The following RP1 variants were observed in gnomAD, a reference collection of about 807,000 sequenced individuals.
RP1 encodes the protein oxygen-regulated protein 1.
Under a neutral mutation model 14.8 loss-of-function variants are expected in RP1, and 16 were observed. The ratio of observed to expected loss-of-function variants is 1.08; its 90% confidence interval spans 0.73 to 1.65. RP1 has a LOEUF of 1.65. Among genes scored for constraint, RP1 ranks in the 40% most tolerant of loss-of-function variants. The pLI, the probability that RP1 is intolerant of heterozygous loss-of-function variation, is 0.00. For missense variants in RP1, 2,631 were observed against 2,535.0 expected (o/e 1.04, Z -0.81); for synonymous variants, 876 against 883.6 (o/e 0.99, Z 0.15).
chr8:54,799,398 C>G (rs1267238231), intron 24 of RP1, among the ~76,000 whole-genome samples: 1 of 151,864 alleles, frequency 6.6e-6, no homozygotes, highest in African/African-American at 2.4e-5. Flanking sequence ...CAATGGGTTT[C>G]TTGTAGATAG....
intron 14 of RP1, among the ~76,000 whole-genome samples, chr8:54,704,043 A>G (rs1808092454): frequency 6.6e-6 from 1 of 152,210 alleles, no homozygotes; most frequent in Non-Finnish European, 1.5e-5. Context: ...CATATCAGCA[A>G]TAAGGCTGTT....
chr8:54,676,715 A>C (rs1807302981), intron 8 of RP1, among the ~76,000 whole-genome samples: 2 of 152,212 alleles, frequency 1.3e-5, no homozygotes, highest in African/African-American at 4.8e-5. Context: ...AAACATGATG[A>C]AAATGTAGGC....
intron 14 of RP1, chr8:54,706,396 A>T (rs957708480): frequency 6.6e-7 from 1 of 1,521,376 alleles, no homozygotes; most frequent in African/African-American, 1.4e-5. Context: ...CTAGCAAAAC[A>T]CGAGCCCGTT....
At chr8:54,644,980 T>G (rs555740266) in intron 3 of RP1, among the ~76,000 whole-genome samples, 1 of 152,282 alleles carries the variant, frequency 6.6e-6, no homozygotes, top group East Asian at 1.9e-4. Context: ...TTGTATTGGG[T>G]TAAGAGCCTA....
chr8:54,613,089 G>A (rs546100606), upstream of RP1, among the ~76,000 whole-genome samples: 1 of 152,332 alleles, frequency 6.6e-6, no homozygotes, highest in Non-Finnish European at 1.5e-5. Flanking sequence ...CTAATACACA[G>A]TGAGTATGCA....
chr8:54,596,212 G>T (rs7843113), intron 1 of RP1, among the ~76,000 whole-genome samples: 8 of 151,974 alleles, frequency 5.3e-5, no homozygotes, highest in Non-Finnish European at 1.0e-4. Flanking sequence ...CATTTAGATC[G>T]GTTTCATCTG....
chr8:54,619,895 A>G (rs1325189979), intron 1 of RP1, among the ~76,000 whole-genome samples: 1 of 152,232 alleles, frequency 6.6e-6, no homozygotes, highest in East Asian at 1.9e-4. Context: ...AATGTCAAGT[A>G]CATTTTCCTC....
At position 54,627,050 on chromosome 8, in the gene RP1, A is replaced by G; in HGVS notation, c.3168A>G (p.Ile1056Met). 1.2e-6 allele frequency: 2 copies of G among 1,614,056 alleles called. No homozygotes were observed. The highest frequency in any genetic ancestry group is 1.7e-6 in the Non-Finnish European group (2 of 1,179,960). Residue 1056 changes from isoleucine to methionine, a missense_variant, in exon 4 of 4, where the codon ATA becomes ATG. By Grantham distance (10) the Ile-to-Met change is conservative (BLOSUM62 1). Coordinates refer to ENST00000220676, the MANE Select transcript of RP1 (RefSeq NM_006269.2). ...AGAAAAAACTTGTTTACCAGGAAAT[A>G]AACCTAGCTAGAAAAAGGCAAAGTG... ...GPEKKLVYQEINLARKRQSVE... is the reference protein window; with the variant it reads ...GPEKKLVYQEMNLARKRQSVE...
chr8:54,799,730 T>C (rs967104620), intron 24 of RP1, among the ~76,000 whole-genome samples: 2 of 152,032 alleles, frequency 1.3e-5, no homozygotes, highest in Non-Finnish European at 2.9e-5. Context: ...TCAAATAATA[T>C]GCTACCCCAT....
chr8:54,743,423 T>TA (rs1195529652), intron 19 of RP1, among the ~76,000 whole-genome samples: 5 of 152,182 alleles, frequency 3.3e-5, no homozygotes, highest in African/African-American at 1.2e-4. Context: ...TGGTGATTTT[T>TA]ATATTCTATT....
chr8:54,726,202 A>T, intron 16 of RP1: 3 of 938,692 alleles, frequency 3.2e-6, no homozygotes, highest in Non-Finnish European at 4.5e-6. Context: ...TTAACTATGT[A>T]ATTCTGAGTA....
chr8:54,701,699 A>G (rs773517093), intron 14 of RP1: 1 of 1,515,596 alleles, frequency 6.6e-7, no homozygotes, highest in Non-Finnish European at 8.8e-7. Context: ...TATATTGCTA[A>G]ATCCCAACTT....
chr8:54,787,805 T>C (rs1810359405), intron 24 of RP1, among the ~76,000 whole-genome samples: 1 of 152,210 alleles, frequency 6.6e-6, no homozygotes, highest in African/African-American at 2.4e-5. Context: ...AAATGGTTAA[T>C]ACAGTTTTGC....
rs182317491 is a variant in RP1, at chr8:54,584,174, G to C, written c.-13+24854G>C. ...TTTCCCTCTGCACACTGCTTTGAAT[G>C]TGTCCCAGAGATTCTGGTATGTTGT... On this transcript the variant is annotated intron_variant, in intron 1 of 22. Transcript: ENST00000636932. 6.1e-3 allele frequency among the ~76,000 whole-genome samples: 936 copies of C among 152,292 alleles called. 13 individuals carry two copies. Among genetic ancestry groups the C allele is most frequent in the African/African-American group, 0.021 (879 of 41,542 alleles).
chr8:54,690,568 TG>T (rs1194996868), intron 12 of RP1, among the ~76,000 whole-genome samples: 2 of 151,860 alleles, frequency 1.3e-5, no homozygotes, highest in African/African-American at 4.8e-5. Context: ...AAAGAAACCT[TG>T]GGGAGAGGAG....
In RP1 at chr8:54,616,166, C is replaced by A. The variant is rs1478962107; in HGVS notation, c.-49C>A. The A allele has an allele frequency of 2.6e-5, 4 of 152,190 alleles. No homozygotes were observed. The East Asian group carries it at 7.7e-4, about 29-fold the overall frequency. The allele number at this position is 152,190 out of a possible 1,614,324, so 9.4% of individuals were successfully genotyped here. ...TGAGCTATTTAAACAACTTAAACAT[C>A]TTTTTCTTTTCTTAATAAGGGACGT... On this transcript the variant is annotated 5_prime_UTR_variant, in exon 1 of 4. Transcript: ENST00000220676.
intron 15 of RP1, chr8:54,706,721 T>C (rs573343353): frequency 1.5e-5 from 22 of 1,470,920 alleles, no homozygotes; most frequent in Non-Finnish European, 2.0e-5. Flanking sequence ...GACATGAGAA[T>C]AGCACTTTCT....
chr8:54,806,285 G>T (rs1227267343), intron 24 of RP1, among the ~76,000 whole-genome samples: 1 of 152,084 alleles, frequency 6.6e-6, no homozygotes. Context: ...CCAAAGTGCT[G>T]GGATTACAAG....
chr8:54,773,819 G>T (rs1415962745), downstream of RP1, among the ~76,000 whole-genome samples: 1 of 152,108 alleles, frequency 6.6e-6, no homozygotes, highest in Non-Finnish European at 1.5e-5. Context: ...AGGGATTTCT[G>T]ACTTGAGGGA....
Sources: gnomAD v4.1 joint callset for allele counts (sites outside exome capture counted in the v4.1 genomes callset) on GRCh38, gnomAD v4.1.1 for gene constraint, MANE v1.5 for transcripts, NCBI Gene and HGNC (gene_info 2026-07-23, HGNC 2026-07-21) for gene names.